Variants in AFDN observed in about 807,000 individuals in gnomAD.
AFDN encodes the protein afadin, adherens junction formation factor.
A neutral mutation model predicts 216.6 loss-of-function variants in AFDN; 68 were observed. The ratio of observed to expected loss-of-function variants is 0.31; its 90% CI spans 0.26 to 0.38. AFDN has a LOEUF of 0.38. Among genes scored for constraint, AFDN ranks in the 10% least tolerant of loss-of-function variants. AFDN has a pLI of 1.00. For missense variants in AFDN, 2,136 were observed against 2,342.0 expected (o/e 0.91, Z 1.82); for synonymous variants, 868 against 853.7 (o/e 1.02, Z -0.29).
At chr6:167,898,155 A>G (rs1788509018) in intron 10 of AFDN, 50 bp from the exon 11 acceptor site, 4 of 1,599,130 alleles carry the variant, frequency 2.5e-6, no homozygotes, top group Non-Finnish European at 3.4e-6. Flanking sequence ...CTGTGTTTAA[A>G]TGCTGTGAAC....
At chr6:167,864,914 G>T (rs751843222) in intron 2 of AFDN, 168 bp downstream of exon 2, 2 of 784,148 alleles carry the variant, frequency 2.6e-6, no homozygotes, top group Non-Finnish European at 2.3e-6. Flanking sequence ...TTATGTCTGG[G>T]AAGTGTTCTT....
At chr6:167,827,309 G>A (rs1474981143) in intron 1 of AFDN, 72 bp downstream of exon 1, 6 of 516,570 alleles carry the variant, frequency 1.2e-5, no homozygotes, top group African/African-American at 3.8e-5. Context: ...CCCCCCCGCC[G>A]CCGCCCGCCA....
At chr6:167,840,809 A>G (rs1439935939) in intron 1 of AFDN, among the ~76,000 whole-genome samples, 2 of 152,236 alleles carry the variant, frequency 1.3e-5, no homozygotes, top group Non-Finnish European at 2.9e-5. Flanking sequence ...AGAACATTCA[A>G]GATGAAAGAA....
At chr6:167,958,203 A>C (rs1261485995) in intron 30 of AFDN, among the ~76,000 whole-genome samples, 1 of 152,256 alleles carries the variant, frequency 6.6e-6, no homozygotes, top group Non-Finnish European at 1.5e-5. Flanking sequence ...AGTGTATATG[A>C]AACAGAAATC....
chr6:167,908,988 A>G (rs1790057582), intron 13 of AFDN, among the ~76,000 whole-genome samples: 1 of 152,152 alleles, frequency 6.6e-6, no homozygotes, highest in South Asian at 2.1e-4. Context: ...AATTGTCACT[A>G]AATTTTTTTT....
At chr6:167,844,747 A>G (rs181865572) in intron 1 of AFDN, among the ~76,000 whole-genome samples, 1 of 152,104 alleles carries the variant, frequency 6.6e-6, no homozygotes, top group East Asian at 1.9e-4. Flanking sequence ...ACTGCATATT[A>G]TGAATTAAAC....
intron 31 of AFDN, chr6:167,963,563 T>TGATA: frequency 2.8e-6 from 3 of 1,057,762 alleles, no homozygotes; most frequent in Non-Finnish European, 3.4e-6. Flanking sequence ...AGAGTAAGCT[T>TGATA]GATAGACATG....
intron 15 of AFDN, 109 bp from the exon 16 acceptor site, chr6:167,913,294 T>A (rs755028815): frequency 2.3e-5 from 24 of 1,052,626 alleles, no homozygotes; most frequent in Non-Finnish European, 3.4e-5. Context: ...ATGTCGTACC[T>A]TCATGTCGTA....
intron 12 of AFDN, 95 bp from the exon 13 acceptor site, chr6:167,907,076 G>A: frequency 1.2e-6 from 1 of 867,740 alleles, no homozygotes; most frequent in Non-Finnish European, 1.9e-6. Context: ...GCCCTGCTTG[G>A]CAGCCCTGTA....
intron 8 of AFDN, among the ~76,000 whole-genome samples, chr6:167,891,887 A>G (rs1191992438): frequency 6.6e-6 from 1 of 152,228 alleles, no homozygotes; most frequent in East Asian, 1.9e-4. Flanking sequence ...CCGAGTAGTA[A>G]TCACAGAGCA....
intron 1 of AFDN, among the ~76,000 whole-genome samples, chr6:167,850,585 T>A (rs1029609496): frequency 6.6e-6 from 1 of 152,236 alleles, no homozygotes; most frequent in Non-Finnish European, 1.5e-5. Context: ...CTACCAATGT[T>A]CATGTATATA....
At chr6:167,906,153 T>C (rs1789660604) in intron 12 of AFDN, among the ~76,000 whole-genome samples, 1 of 152,160 alleles carries the variant, frequency 6.6e-6, no homozygotes, top group Admixed American at 6.5e-5. Flanking sequence ...GGTGTGTATA[T>C]AAATATATTT....
chr6:167,856,327 T>C (rs1014686835), intron 1 of AFDN, among the ~76,000 whole-genome samples: 2 of 152,030 alleles, frequency 1.3e-5, no homozygotes, highest in Non-Finnish European at 2.9e-5. Flanking sequence ...ACCTGTAGTA[T>C]ATATAGAGCT....
intron 6 of AFDN, among the ~76,000 whole-genome samples, chr6:167,881,198 AT>A (rs1405850395): frequency 1.3e-5 from 2 of 152,204 alleles, no homozygotes; most frequent in Non-Finnish European, 2.9e-5. Context: ...TACAGGTAGA[AT>A]TAAATAAAAG....
chr6:167,828,721 G>C (rs1041774925), intron 1 of AFDN, among the ~76,000 whole-genome samples: 2 of 148,914 alleles, frequency 1.3e-5, no homozygotes, highest in Non-Finnish European at 1.5e-5. Context: ...GGTAAAAAAA[G>C]TTGACCATAA....
chr6:167,916,919 G>C (rs891722021), intron 19 of AFDN, among the ~76,000 whole-genome samples, 170 bp from the exon 20 acceptor site: 4 of 152,114 alleles, frequency 2.6e-5, no homozygotes, highest in Non-Finnish European at 4.4e-5. Flanking sequence ...AATGCTTTTA[G>C]TTCTATTTAA....
At chr6:167,923,460 A>G (rs1179902749) in intron 22 of AFDN, among the ~76,000 whole-genome samples, 1 of 152,118 alleles carries the variant, frequency 6.6e-6, no homozygotes, top group South Asian at 2.1e-4. Context: ...ACAAACAGGA[A>G]TTTTTGTATA....
rs371256560 is a variant in AFDN, at chr6:167,947,426, G to A, written c.3554-427G>A. The stretch of plus-strand genomic sequence containing the variant: ...GATCTCCTGACCTCGTGATCTGCCC[G>A]CCTTGGCCTCCCAAAGTGCTGGGAT... On this transcript the variant is annotated intron_variant, in intron 27 of 33. Transcript: ENST00000683244. Among the ~76,000 whole-genome samples, 83 of 152,186 alleles carry A rather than the reference G, an allele frequency of 5.5e-4. 1 individual carries two copies. The Middle Eastern group carries it at 0.01, about 19-fold the overall frequency.
chr6:167,844,302 G>C (rs1284751305), intron 1 of AFDN, among the ~76,000 whole-genome samples: 1 of 151,734 alleles, frequency 6.6e-6, no homozygotes. Flanking sequence ...CCAAATAGCT[G>C]GGATTACAGG....
Sources: gnomAD v4.1 joint callset for allele counts (sites outside exome capture counted in the v4.1 genomes callset) on GRCh38, gnomAD v4.1.1 for gene constraint, MANE v1.5 for transcripts, NCBI Gene and HGNC (gene_info 2026-07-23, HGNC 2026-07-21) for gene names.